The following ENPP2 variants were observed in gnomAD, a reference collection of about 807,000 sequenced individuals.
ENPP2 encodes ectonucleotide pyrophosphatase/phosphodiesterase 2.
In ENPP2, 51 loss-of-function variants were observed where a neutral mutation model predicts 120.2. The observed-to-expected ratio is 0.42, with a 90% confidence interval of 0.34 to 0.54. The LOEUF is 0.54. Among genes scored for constraint, ENPP2 ranks in the 20% least tolerant of loss-of-function variants. The pLI, the probability that ENPP2 is intolerant of heterozygous loss-of-function variation, is 0.04. For synonymous variants in ENPP2, 365 were observed against 366.4 expected (o/e 1.00, Z 0.04); for missense variants, 920 against 1,066.5 (o/e 0.86, Z 1.91).
intron 19 of ENPP2, among the ~76,000 whole-genome samples, chr8:119,574,268 C>T (rs75544891): frequency 0.012 from 1,760 of 152,116 alleles, 27 homozygotes; most frequent in African/African-American, 0.041. Flanking sequence ...ACTCAGGCCA[C>T]AAAATGTACT....
At chr8:119,648,218 A>G (rs1817528492) in intron 1 of ENPP2, among the ~76,000 whole-genome samples, 1 of 152,148 alleles carries the variant, frequency 6.6e-6, no homozygotes, top group African/African-American at 2.4e-5. Context: ...AATATTCCCC[A>G]TTACTCTATA....
At chr8:119,619,139 G>T in intron 5 of ENPP2, 105 bp downstream of exon 5, 1 of 844,934 alleles carries the variant, frequency 1.2e-6, no homozygotes, top group Non-Finnish European at 2.0e-6. Flanking sequence ...GCCTGTATAA[G>T]AGAATTTCAG....
intron 20 of ENPP2, among the ~76,000 whole-genome samples, chr8:119,569,587 T>C (rs936436695): frequency 2.6e-5 from 4 of 152,038 alleles, no homozygotes; most frequent in Admixed American, 6.6e-5. Context: ...AACATAACTC[T>C]CTTTATCAAA....
chr8:119,592,253 A>C (rs1406713327), intron 12 of ENPP2, among the ~76,000 whole-genome samples: 1 of 152,094 alleles, frequency 6.6e-6, no homozygotes, highest in Non-Finnish European at 1.5e-5. Context: ...CAGGCAGATC[A>C]CCTGAGGCCA....
At position 119,582,594 on chromosome 8, in the gene ENPP2, C is replaced by G; in HGVS notation, c.1552G>C (p.Gly518Arg). Residue 518 changes from glycine to arginine, a missense_variant, in exon 18 of 25, where the codon GGA becomes CGA. Transcript: ENST00000075322. The stretch of plus-strand genomic sequence containing the variant: ...CCATTATTAGGAGCTGGCTTCAATC[C>G]CAGGAGATCTAATGAAAATTAAGAA... Reference protein sequence around the residue: ...ELYNVMCDLLGLKPAPNNGTH... With the variant: ...ELYNVMCDLLRLKPAPNNGTH... 3 of 1,610,048 alleles carry G rather than the reference C, an allele frequency of 1.9e-6. No homozygotes were observed. The South Asian group carries it at 3.3e-5, about 18-fold the overall frequency.
chr8:119,609,425 G>A (rs1175845618), intron 8 of ENPP2, among the ~76,000 whole-genome samples: 1 of 152,118 alleles, frequency 6.6e-6, no homozygotes, highest in Non-Finnish European at 1.5e-5. Flanking sequence ...AGACCTTCTT[G>A]GCCAGACTTT....
rs1265439529 is a variant in ENPP2, at chr8:119,617,541, T to G, written c.502A>C (p.Ile168Leu). Residue 168 changes from isoleucine to leucine, a missense_variant, in exon 6 of 25, where the codon ATC (isoleucine) becomes CTC (leucine). Physicochemically the swap from Ile to Leu is conservative, Grantham distance 5 (BLOSUM62 2). Transcript: ENST00000075322. Reference sequence around the variant, plus strand: ...GCACGGAAGCCATCCACGGAGAAGATGATTAATGGAGGGCGAACAAACCTT... The same window carrying G: ...GCACGGAAGCCATCCACGGAGAAGAGGATTAATGGAGGGCGAACAAACCTT... Reference protein sequence around the residue: ...PAGFVRPPLIIFSVDGFRASY... With the variant: ...PAGFVRPPLILFSVDGFRASY... 4 of 1,613,320 alleles carry G rather than the reference T, an allele frequency of 2.5e-6. No individual in the cohort carries two copies. The highest frequency in any genetic ancestry group is 1.1e-5 in the South Asian group (1 of 91,060).
At chr8:119,667,076 A>G (rs1020286093) in intron 1 of ENPP2, among the ~76,000 whole-genome samples, 2 of 152,182 alleles carry the variant, frequency 1.3e-5, no homozygotes, top group African/African-American at 2.4e-5. Flanking sequence ...CCCTTCAAGC[A>G]TGAAAAAGGC....
intron 5 of ENPP2, chr8:119,618,134 CA>C (rs1815605089): frequency 2.9e-6 from 1 of 349,948 alleles, no homozygotes; most frequent in African/African-American, 2.1e-5. Context: ...TGTTTTGTAA[CA>C]AATAACACAG....
intron 1 of ENPP2, among the ~76,000 whole-genome samples, chr8:119,660,247 A>G (rs191949520): frequency 2.0e-3 from 306 of 152,360 alleles, no homozygotes; most frequent in Non-Finnish European, 3.8e-3. Flanking sequence ...TTAAAATAAC[A>G]AATGTCTTGT....
intron 20 of ENPP2, among the ~76,000 whole-genome samples, chr8:119,570,286 A>T (rs1814852632): frequency 6.7e-6 from 1 of 149,464 alleles, no homozygotes. Context: ...TAGAAAAAAA[A>T]AAAAAACAGA....
At chr8:119,561,817 G>GTT (rs762490034) in intron 24 of ENPP2, among the ~76,000 whole-genome samples, 1 of 133,562 alleles carries the variant, frequency 7.5e-6, no homozygotes, top group Non-Finnish European at 1.7e-5. Context: ...GTGTGTGTTT[G>GTT]TGTGTGTGTG....
chr8:119,652,054 G>A (rs1370720965), intron 1 of ENPP2, among the ~76,000 whole-genome samples: 1 of 152,144 alleles, frequency 6.6e-6, no homozygotes, highest in African/African-American at 2.4e-5. Context: ...AAACTGGGTG[G>A]CTTATATATA....
chr8:119,644,617 T>TATATATAC (rs1817382042), intron 1 of ENPP2, among the ~76,000 whole-genome samples: 4 of 104,820 alleles, frequency 3.8e-5, no homozygotes, highest in Non-Finnish European at 7.5e-5. Context: ...TATATATATA[T>TATATATAC]ATATATATAC....
chr8:119,631,209 T>A (rs1816650734), intron 2 of ENPP2, among the ~76,000 whole-genome samples: 2 of 108,124 alleles, frequency 1.8e-5, no homozygotes, highest in South Asian at 3.5e-4. Context: ...GCTATCTTTT[T>A]TTTTTTTTTT....
intron 1 of ENPP2, among the ~76,000 whole-genome samples, chr8:119,657,588 T>TTTGAACACCAG (rs148982718): frequency 0.019 from 2,837 of 152,332 alleles, 83 homozygotes; most frequent in African/African-American, 0.065. Flanking sequence ...CAACATGACT[T>TTTGAACACCAG]AGTGCTAAAG....
chr8:119,574,062 T>G (rs1161491473), intron 19 of ENPP2, among the ~76,000 whole-genome samples: 2 of 152,140 alleles, frequency 1.3e-5, no homozygotes, highest in African/African-American at 2.4e-5. Context: ...CAGTTTCATC[T>G]AAGAAAGAGG....
intron 9 of ENPP2, among the ~76,000 whole-genome samples, chr8:119,601,848 T>C (rs1273517790): frequency 6.6e-6 from 1 of 152,150 alleles, no homozygotes; most frequent in Admixed American, 6.6e-5. Context: ...CGCCTCTTGC[T>C]GGCGGTGTGA....
chr8:119,595,543 T>C (rs1383168324), intron 11 of ENPP2, among the ~76,000 whole-genome samples: 1 of 152,208 alleles, frequency 6.6e-6, no homozygotes, highest in Non-Finnish European at 1.5e-5. Context: ...ACAAACCATG[T>C]GACTGATTCT....
Sources: allele counts gnomAD v4.1 joint callset (sites outside exome capture counted in the v4.1 genomes callset), GRCh38; gene constraint gnomAD v4.1.1; transcripts MANE v1.5; gene names NCBI Gene and HGNC (gene_info 2026-07-23, HGNC 2026-07-21).